NTM: variants seen among roughly 807,000 people sequenced by gnomAD.
The protein encoded by NTM is neurotrimin.
Under a neutral mutation model 42.1 loss-of-function variants are expected in NTM, and 13 were observed. The ratio of observed to expected loss-of-function variants is 0.31; its 90% CI spans 0.20 to 0.49. NTM has a LOEUF of 0.49. NTM is among the 20% of genes least tolerant of loss of function. The pLI, the probability that NTM is intolerant of heterozygous loss-of-function variation, is 0.99. For missense variants in NTM, 373 were observed against 452.8 expected (o/e 0.82, Z 1.60); for synonymous variants, 187 against 179.2 (o/e 1.04, Z -0.35).
At chr11:131,640,680 C>T (rs2065024805) in intron 1 of NTM, among the ~76,000 whole-genome samples, 2 of 152,190 alleles carry the variant, frequency 1.3e-5, no homozygotes, top group Admixed American at 1.3e-4. Flanking sequence ...CCTCACCCTT[C>T]TTAATATGGG....
chr11:131,871,248 T>C (rs1326810874), intron 1 of NTM, among the ~76,000 whole-genome samples: 3 of 152,220 alleles, frequency 2.0e-5, no homozygotes, highest in African/African-American at 7.2e-5. Context: ...TCAGTGGTGC[T>C]CAGTCGCCCA....
intron 3 of NTM, among the ~76,000 whole-genome samples, chr11:132,206,274 G>A (rs970579993): frequency 2.0e-5 from 3 of 152,184 alleles, no homozygotes; most frequent in African/African-American, 7.2e-5. Flanking sequence ...GTAGGATAGA[G>A]CTAAAACCTA....
At chr11:131,578,194 A>C (rs1314615474) in intron 1 of NTM, among the ~76,000 whole-genome samples, 1 of 152,202 alleles carries the variant, frequency 6.6e-6, no homozygotes, top group African/African-American at 2.4e-5. Context: ...CGAATCCAGA[A>C]AGATCTTGTC....
At chr11:131,715,769 G>T (rs1222220267) in intron 1 of NTM, among the ~76,000 whole-genome samples, 2 of 152,050 alleles carry the variant, frequency 1.3e-5, no homozygotes, top group African/African-American at 4.8e-5. Flanking sequence ...ACTCACTTTT[G>T]TCTGGCTTCC....
At chr11:132,303,894 C>T (rs1420169678) in intron 4 of NTM, among the ~76,000 whole-genome samples, 3 of 152,054 alleles carry the variant, frequency 2.0e-5, no homozygotes, top group African/African-American at 7.2e-5. Flanking sequence ...CTGCACTCCA[C>T]GTGTTGTCTT....
At chr11:132,155,685 C>G (rs749736597) in intron 3 of NTM, among the ~76,000 whole-genome samples, 12 of 152,240 alleles carry the variant, frequency 7.9e-5, no homozygotes, top group Non-Finnish European at 1.6e-4. Context: ...CAGAGGGGAC[C>G]TGTGTGCTAA....
chr11:131,813,383 T>C (rs555887132), intron 1 of NTM, among the ~76,000 whole-genome samples: 2 of 152,278 alleles, frequency 1.3e-5, no homozygotes, highest in East Asian at 3.9e-4. Flanking sequence ...AGATGAATAA[T>C]ATGAGATTCC....
chr11:131,448,371 C>T (rs989878230), intron 1 of NTM, among the ~76,000 whole-genome samples: 21 of 152,224 alleles, frequency 1.4e-4, no homozygotes, highest in Non-Finnish European at 2.4e-4. Flanking sequence ...TGTCCCTGCC[C>T]CACACAGGCC....
At chr11:131,799,846 T>C (rs2091952255) in intron 1 of NTM, among the ~76,000 whole-genome samples, 1 of 152,238 alleles carries the variant, frequency 6.6e-6, no homozygotes, top group Non-Finnish European at 1.5e-5. Flanking sequence ...CCCAGTGTGA[T>C]GGAAGGCATC....
At chr11:131,654,481 C>T (rs1209077611) in intron 1 of NTM, among the ~76,000 whole-genome samples, 3 of 152,074 alleles carry the variant, frequency 2.0e-5, no homozygotes, top group African/African-American at 4.8e-5. Context: ...TAATGCAGAG[C>T]TTCTCAGAGT....
intron 1 of NTM, among the ~76,000 whole-genome samples, chr11:131,618,634 C>T (rs1380020262): frequency 2.0e-5 from 3 of 152,176 alleles, no homozygotes; most frequent in African/African-American, 4.8e-5. Context: ...ACTTTAAAAC[C>T]TCCCCTATGC....
chr11:132,291,515 G>C (rs1344714840), intron 4 of NTM, among the ~76,000 whole-genome samples: 46 of 152,162 alleles, frequency 3.0e-4, no homozygotes, highest in Non-Finnish European at 2.9e-5. Context: ...TGGAAGTGTA[G>C]GGTTCATGGA....
intron 1 of NTM, among the ~76,000 whole-genome samples, chr11:131,891,902 C>G (rs890952429): frequency 6.6e-6 from 1 of 152,178 alleles, no homozygotes; most frequent in African/African-American, 2.4e-5. Context: ...TCCTTTTGCC[C>G]TTTGTAAATT....
At chr11:132,079,252 C>T (rs569344375) in intron 2 of NTM, among the ~76,000 whole-genome samples, 1 of 152,306 alleles carries the variant, frequency 6.6e-6, no homozygotes, top group African/African-American at 2.4e-5. Flanking sequence ...TGCTTTTCTA[C>T]ACTCTTTGTA....
chr11:131,652,229 CTA>C (rs1331157024), intron 1 of NTM, among the ~76,000 whole-genome samples: 1 of 152,194 alleles, frequency 6.6e-6, no homozygotes, highest in Admixed American at 6.5e-5. Flanking sequence ...AGGTAAATGG[CTA>C]TACACATGGA....
At chr11:131,527,070 G>A (rs1407258118) in intron 1 of NTM, among the ~76,000 whole-genome samples, 1 of 152,132 alleles carries the variant, frequency 6.6e-6, no homozygotes, top group Non-Finnish European at 1.5e-5. Context: ...CCTCTTACAA[G>A]TCTCACCCAG....
intron 1 of NTM, among the ~76,000 whole-genome samples, chr11:131,439,749 G>T (rs1949452967): frequency 6.6e-6 from 1 of 152,156 alleles, no homozygotes; most frequent in Admixed American, 6.5e-5. Flanking sequence ...AAAATCCCCT[G>T]ACCCCTTGAG....
At chr11:131,717,668 G>A (rs538944682) in intron 1 of NTM, among the ~76,000 whole-genome samples, 1 of 152,282 alleles carries the variant, frequency 6.6e-6, no homozygotes, top group Non-Finnish European at 1.5e-5. Flanking sequence ...GCAAATGACA[G>A]TTTTACTTCT....
chr11:132,306,903 C>A (rs990807327), intron 4 of NTM, among the ~76,000 whole-genome samples: 1 of 152,158 alleles, frequency 6.6e-6, no homozygotes, highest in Non-Finnish European at 1.5e-5. Flanking sequence ...CATGGCCAGA[C>A]GTCAGGCACA....
Sources: allele counts gnomAD v4.1 joint callset (sites outside exome capture counted in the v4.1 genomes callset), GRCh38; gene constraint gnomAD v4.1.1; transcripts MANE v1.5; gene names NCBI Gene and HGNC (gene_info 2026-07-23, HGNC 2026-07-21).